Variants in MYO1D observed in about 807,000 individuals in gnomAD.
MYO1D encodes unconventional myosin-Id.
A neutral mutation model predicts 122.0 loss-of-function variants in MYO1D; 83 were observed. The observed-to-expected ratio is 0.68, with a 90% CI of 0.57 to 0.82. MYO1D has a LOEUF of 0.82. Ranked by LOEUF, MYO1D falls within the 40% of genes least tolerant of loss-of-function variation. MYO1D has a pLI of 0.00. For missense variants in MYO1D, 1,157 were observed against 1,269.5 expected, an observed-to-expected ratio of 0.91 and a Z score of 1.35; for synonymous variants, 464 against 446.9, an observed-to-expected ratio of 1.04 and a Z score of -0.48.
intron 20 of MYO1D, among the ~76,000 whole-genome samples, chr17:32,619,616 C>T (rs749909548): frequency 1.3e-5 from 2 of 152,162 alleles, no homozygotes; most frequent in Non-Finnish European, 1.5e-5. Flanking sequence ...TCAAATTACA[C>T]GTAACCATTG....
chr17:32,643,765 T>C (rs1481953207), intron 19 of MYO1D, among the ~76,000 whole-genome samples: 1 of 151,548 alleles, frequency 6.6e-6, no homozygotes, highest in Non-Finnish European at 1.5e-5. Flanking sequence ...TCGGTGGTGA[T>C]ATCCCCTTTA....
At chr17:32,692,210 T>G (rs1567951835) in intron 16 of MYO1D, among the ~76,000 whole-genome samples, 1 of 152,214 alleles carries the variant, frequency 6.6e-6, no homozygotes, top group Non-Finnish European at 1.5e-5. Flanking sequence ...TTAGCAAAAC[T>G]TGATAGTCCA....
chr17:32,723,691 T>C (rs1041965542), intron 14 of MYO1D, among the ~76,000 whole-genome samples: 10 of 152,128 alleles, frequency 6.6e-5, no homozygotes, highest in Non-Finnish European at 4.4e-5. Flanking sequence ...GATTAAAGAC[T>C]ACATGAAGAA....
At chr17:32,841,327 G>A (rs1041266426) in intron 1 of MYO1D, among the ~76,000 whole-genome samples, 6 of 152,078 alleles carry the variant, frequency 3.9e-5, no homozygotes, top group Non-Finnish European at 5.9e-5. Flanking sequence ...AAATTAGCCA[G>A]GCACGGTTGC....
intron 1 of MYO1D, among the ~76,000 whole-genome samples, chr17:32,850,032 T>C (rs189060782): frequency 1.3e-5 from 2 of 152,286 alleles, no homozygotes; most frequent in African/African-American, 4.8e-5. Flanking sequence ...AAGTAATATG[T>C]TTTCAATCAT....
intron 20 of MYO1D, among the ~76,000 whole-genome samples, chr17:32,626,640 A>G (rs896236189): frequency 1.3e-5 from 2 of 152,196 alleles, no homozygotes; most frequent in Non-Finnish European, 2.9e-5. Context: ...ACATGTAAGG[A>G]AAAACACATT....
intron 20 of MYO1D, among the ~76,000 whole-genome samples, chr17:32,628,502 T>A (rs1168339367): frequency 6.6e-6 from 1 of 152,196 alleles, no homozygotes; most frequent in Non-Finnish European, 1.5e-5. Flanking sequence ...TTCTCGCTAA[T>A]GGAAGAGGGG....
At chr17:32,866,380 T>C (rs1018533270) in intron 1 of MYO1D, among the ~76,000 whole-genome samples, 1 of 152,148 alleles carries the variant, frequency 6.6e-6, no homozygotes, top group African/African-American at 2.4e-5. Context: ...CTCCCCTCTC[T>C]GTCATCAGGA....
rs1380476080 is a variant in MYO1D, at chr17:32,774,672, T to C, written c.564+1192A>G. Among the ~76,000 whole-genome samples the C allele has an allele frequency of 2.0e-5, 3 of 152,230 alleles. No homozygotes were observed. The East Asian group carries it at 5.8e-4, about 29-fold the overall frequency. ...AGGATCCTTTTGATTGAATATGTAT[T>C]ACACATAAAGTGAACTGATGAAACA... On this transcript the variant is annotated intron_variant, in intron 4 of 21. Coordinates refer to ENST00000318217, the MANE Select transcript of MYO1D (RefSeq NM_015194.3).
At chr17:32,667,091 T>G (rs2088647372) in intron 16 of MYO1D, among the ~76,000 whole-genome samples, 1 of 152,234 alleles carries the variant, frequency 6.6e-6, no homozygotes, top group African/African-American at 2.4e-5. Context: ...AGAGGAGGGT[T>G]TATTTATGTA....
chr17:32,582,779 T>C (rs754743506), intron 21 of MYO1D, among the ~76,000 whole-genome samples: 43 of 152,252 alleles, frequency 2.8e-4, no homozygotes, highest in Non-Finnish European at 4.6e-4. Context: ...TGTAGATTTC[T>C]CCATTTTCCC....
intron 12 of MYO1D, among the ~76,000 whole-genome samples, chr17:32,748,397 C>G (rs2089862147): frequency 6.6e-6 from 1 of 151,990 alleles, no homozygotes; most frequent in Non-Finnish European, 1.5e-5. Flanking sequence ...ATTCATTCCC[C>G]TGACTAACCC....
At chr17:32,676,174 T>C (rs1368434926) in intron 16 of MYO1D, among the ~76,000 whole-genome samples, 1 of 152,218 alleles carries the variant, frequency 6.6e-6, no homozygotes, top group Non-Finnish European at 1.5e-5. Flanking sequence ...TCCCTTTGTA[T>C]TTTCGGCTGC....
chr17:32,507,712 T>A (rs1373557607), intron 21 of MYO1D, among the ~76,000 whole-genome samples: 1 of 152,174 alleles, frequency 6.6e-6, no homozygotes, highest in Non-Finnish European at 1.5e-5. Context: ...TATTGTGAGA[T>A]CTGGGCTTTA....
At chr17:32,569,330 G>A (rs541626809) in intron 21 of MYO1D, among the ~76,000 whole-genome samples, 7 of 152,338 alleles carry the variant, frequency 4.6e-5, no homozygotes, top group East Asian at 1.9e-4. Flanking sequence ...TCAGCTAAGC[G>A]CTGACTAATC....
chr17:32,495,110 G>C (rs1211641716), intron 21 of MYO1D, among the ~76,000 whole-genome samples, 195 bp from the exon 22 acceptor site: 1 of 152,210 alleles, frequency 6.6e-6, no homozygotes, highest in Non-Finnish European at 1.5e-5. Flanking sequence ...CCACAGCCTC[G>C]GCACCATGGC....
intron 14 of MYO1D, 46 bp from the exon 15 acceptor site, chr17:32,721,235 T>C: frequency 6.3e-7 from 1 of 1,578,702 alleles, no homozygotes; most frequent in South Asian, 1.1e-5. Flanking sequence ...GGAGAAAATT[T>C]CCCAGCTAGG....
chr17:32,836,575 G>T (rs566399087), intron 1 of MYO1D, among the ~76,000 whole-genome samples: 1 of 152,204 alleles, frequency 6.6e-6, no homozygotes, highest in East Asian at 1.9e-4. Context: ...CATTTAGTAT[G>T]TACTCTTTTG....
chr17:32,607,730 G>C (rs2087645730), intron 20 of MYO1D, among the ~76,000 whole-genome samples: 1 of 152,072 alleles, frequency 6.6e-6, no homozygotes, highest in African/African-American at 2.4e-5. Context: ...GAAGAATAAA[G>C]TTGGAGGGCT....
Sources: gnomAD v4.1 joint callset for allele counts (sites outside exome capture counted in the v4.1 genomes callset) on GRCh38, gnomAD v4.1.1 for gene constraint, MANE v1.5 for transcripts, NCBI Gene and HGNC (gene_info 2026-07-23, HGNC 2026-07-21) for gene names.